Variants in NMNAT2 observed in about 807,000 individuals in gnomAD.
NMNAT2 encodes nicotinamide/nicotinic acid mononucleotide adenylyltransferase 2.
Under a neutral mutation model 41.6 loss-of-function variants are expected in NMNAT2, and 11 were observed. The observed-to-expected ratio is 0.26, with a 90% CI of 0.17 to 0.44. NMNAT2 has a LOEUF of 0.44. Among genes scored for constraint, NMNAT2 ranks in the 20% least tolerant of loss-of-function variants. The pLI is 1.00. For synonymous variants in NMNAT2, 148 were observed against 151.2 expected, an observed-to-expected ratio of 0.98 and a Z score of 0.16; for missense variants, 288 against 407.7, an observed-to-expected ratio of 0.71 and a Z score of 2.53.
chr1:183,349,952 GCTTGGACTGGCAGAATAT>G (rs1222011918), intron 1 of NMNAT2, among the ~76,000 whole-genome samples: 4 of 152,152 alleles, frequency 2.6e-5, no homozygotes, highest in Admixed American at 2.6e-4. Flanking sequence ...GGATTCCCTT[GCTTGGACTGGCAGAATAT>G]AGTCTGAGGC....
chr1:183,328,483 T>C (rs1023482864), intron 1 of NMNAT2, among the ~76,000 whole-genome samples: 2 of 152,258 alleles, frequency 1.3e-5, no homozygotes, highest in Non-Finnish European at 2.9e-5. Context: ...ATGAAACCTC[T>C]GCTCTCTAGT....
intron 8 of NMNAT2, among the ~76,000 whole-genome samples, chr1:183,274,136 C>T (rs181005222): frequency 5.3e-4 from 81 of 151,756 alleles, no homozygotes; most frequent in African/African-American, 1.9e-3. Flanking sequence ...TTGTCTCAAA[C>T]TCCTGACCTC....
intron 10 of NMNAT2, among the ~76,000 whole-genome samples, chr1:183,258,246 C>T (rs1027762513): frequency 2.6e-5 from 4 of 152,170 alleles, no homozygotes; most frequent in African/African-American, 7.2e-5. Flanking sequence ...CAGACCCAAA[C>T]GAACTATTTG....
intron 1 of NMNAT2, among the ~76,000 whole-genome samples, chr1:183,317,620 A>G (rs1557876462): frequency 6.6e-6 from 1 of 152,170 alleles, no homozygotes. Flanking sequence ...CTCATCACCT[A>G]CAATCAAGTC....
At chr1:183,267,845 T>C (rs2102287364) in intron 8 of NMNAT2, among the ~76,000 whole-genome samples, 1 of 152,186 alleles carries the variant, frequency 6.6e-6, no homozygotes, top group South Asian at 2.1e-4. Context: ...TTGGTAAATC[T>C]CATTCGTGAT....
intron 10 of NMNAT2, among the ~76,000 whole-genome samples, chr1:183,255,397 T>TAA (rs1660490172): frequency 6.6e-6 from 1 of 152,178 alleles, no homozygotes; most frequent in Non-Finnish European, 1.5e-5. Flanking sequence ...CTATTCAGGG[T>TAA]CTTTTGCAGT....
At chr1:183,334,379 AAT>A (rs1662641875) in intron 1 of NMNAT2, among the ~76,000 whole-genome samples, 1 of 151,714 alleles carries the variant, frequency 6.6e-6, no homozygotes, top group Non-Finnish European at 1.5e-5. Flanking sequence ...GTTGAATTTC[AAT>A]AGACTCCTTG....
In NMNAT2 at chr1:183,370,254, A is replaced by ACACACG. The variant is rs1663505104; in HGVS notation, c.85+47928_85+47929insCGTGTG. Reference sequence around the variant, plus strand: ...CACACACACACACACACACACACACACACACACACACACACACACACAGGC... The same window carrying ACACACG: ...CACACACACACACACACACACACACACACACGCACACACACACACACACACACAGGC... On this transcript the variant is annotated intron_variant, in intron 1 of 10. Coordinates refer to ENST00000287713, the MANE Select transcript of NMNAT2 (RefSeq NM_015039.4). Among the ~76,000 whole-genome samples, 9 of 149,464 alleles carry ACACACG rather than the reference A, an allele frequency of 6.0e-5. No individual in the cohort carries two copies. In the South Asian group the frequency reaches 1.9e-3, roughly 31 times the overall value.
chr1:183,362,878 A>G (rs1208110952), intron 1 of NMNAT2, among the ~76,000 whole-genome samples: 1 of 152,196 alleles, frequency 6.6e-6, no homozygotes, highest in East Asian at 1.9e-4. Context: ...TTATATTCCA[A>G]TCAACAATTG....
intron 3 of NMNAT2, chr1:183,290,555 G>A (rs537308510): frequency 1.4e-5 from 3 of 213,790 alleles, no homozygotes; most frequent in Admixed American, 1.1e-4. Context: ...ATAGTAACGA[G>A]CTTACAGTTT....
At position 183,268,005 on chromosome 1, in the gene NMNAT2, C is replaced by T. The variant is rs2102287569; in HGVS notation, c.652-6702G>A. ...TTATCCTGCTTCTACTTCCTGCTCA[C>T]AGGCACAGCTTTGATCATATCTTTT... On this transcript the variant is annotated intron_variant, in intron 8 of 10. Coordinates refer to ENST00000287713, the MANE Select transcript of NMNAT2 (RefSeq NM_015039.4). 1.3e-5 allele frequency among the ~76,000 whole-genome samples: 2 copies of T among 152,286 alleles called. 1 individual carries two copies. Among genetic ancestry groups the T allele is most frequent in the South Asian group, 4.1e-4 (2 of 4,828 alleles).
chr1:183,263,950 C>G (rs968045642), intron 8 of NMNAT2, among the ~76,000 whole-genome samples: 1 of 151,840 alleles, frequency 6.6e-6, no homozygotes, highest in Non-Finnish European at 1.5e-5. Context: ...AATTAAAGCT[C>G]CGGGGAAATT....
At chr1:183,372,134 G>A (rs1313040685) in intron 1 of NMNAT2, among the ~76,000 whole-genome samples, 4 of 152,124 alleles carry the variant, frequency 2.6e-5, no homozygotes, top group African/African-American at 9.7e-5. Context: ...TGTGACCTAC[G>A]TCCACTCTTC....
intron 1 of NMNAT2, among the ~76,000 whole-genome samples, chr1:183,411,247 A>G (rs1241250428): frequency 6.6e-6 from 1 of 152,196 alleles, no homozygotes; most frequent in African/African-American, 2.4e-5. Context: ...TCCTGACTCT[A>G]TCATTCCTGG....
At chr1:183,268,844 C>T (rs143933072) in intron 8 of NMNAT2, among the ~76,000 whole-genome samples, 51 of 152,320 alleles carry the variant, frequency 3.3e-4, no homozygotes, top group African/African-American at 1.2e-3. Context: ...GAGTTCCAGA[C>T]CAGCCTGGGC....
chr1:183,392,728 A>C (rs1453156761), intron 1 of NMNAT2, among the ~76,000 whole-genome samples: 1 of 152,176 alleles, frequency 6.6e-6, no homozygotes, highest in Non-Finnish European at 1.5e-5. Flanking sequence ...TGCAACTGCT[A>C]TTCCCTTTGC....
At chr1:183,284,904 C>G (rs1312440638) in intron 5 of NMNAT2, 114 bp from the exon 6 acceptor site, 1 of 808,118 alleles carries the variant, frequency 1.2e-6, no homozygotes, top group East Asian at 2.5e-5. Context: ...ATGGACGGGG[C>G]AGGAGTGGGG....
At chr1:183,307,929 G>A (rs1662032673) in intron 1 of NMNAT2, among the ~76,000 whole-genome samples, 1 of 152,172 alleles carries the variant, frequency 6.6e-6, no homozygotes, top group Non-Finnish European at 1.5e-5. Flanking sequence ...GTTGGGGAGG[G>A]CGCGTGCTGC....
chr1:183,301,483 C>G (rs1275696291), intron 1 of NMNAT2, among the ~76,000 whole-genome samples: 1 of 152,194 alleles, frequency 6.6e-6, no homozygotes, highest in African/African-American at 2.4e-5. Flanking sequence ...CTATTTTTGT[C>G]CATCAGTTCT....
Sources: allele counts gnomAD v4.1 joint callset (sites outside exome capture counted in the v4.1 genomes callset), GRCh38; gene constraint gnomAD v4.1.1; transcripts MANE v1.5; gene names NCBI Gene and HGNC (gene_info 2026-07-23, HGNC 2026-07-21).